RELN: variants seen among roughly 807,000 people sequenced by gnomAD.
The protein encoded by RELN is reelin.
A neutral mutation model predicts 427.6 loss-of-function variants in RELN; 108 were observed. The ratio of observed to expected loss-of-function variants is 0.25; its 90% CI spans 0.22 to 0.30. The LOEUF (loss-of-function observed/expected upper bound fraction) is 0.30, where lower values mean the gene tolerates loss of function less well. Among genes scored for constraint, RELN ranks in the 10% least tolerant of loss-of-function variants. The pLI is 1.00. For missense variants in RELN, 3,715 were observed against 4,302.8 expected (o/e 0.86, Z 3.82); for synonymous variants, 1,524 against 1,513.4 (o/e 1.01, Z -0.16).
intron 1 of RELN, among the ~76,000 whole-genome samples, chr7:103,928,563 C>T (rs138197083): frequency 4.2e-4 from 64 of 152,230 alleles, no homozygotes; most frequent in African/African-American, 1.4e-3. Context: ...GAATTTCCAA[C>T]GAAGGCTATC....
At chr7:103,763,510 G>A (rs1016299910) in intron 4 of RELN, among the ~76,000 whole-genome samples, 32 of 152,136 alleles carry the variant, frequency 2.1e-4, no homozygotes, top group African/African-American at 7.7e-4. Flanking sequence ...AATATAAGGT[G>A]GGAGAGTGAT....
chr7:103,806,806 A>T (rs908628422), intron 3 of RELN, among the ~76,000 whole-genome samples: 1 of 152,202 alleles, frequency 6.6e-6, no homozygotes, highest in Non-Finnish European at 1.5e-5. Flanking sequence ...CATTAGAGTC[A>T]GTATAATCCT....
chr7:103,928,170 C>A (rs1169261452), intron 1 of RELN, among the ~76,000 whole-genome samples: 2 of 152,166 alleles, frequency 1.3e-5, no homozygotes, highest in Non-Finnish European at 2.9e-5. Context: ...AAGTTCTAAA[C>A]AATTTCCAGT....
intron 8 of RELN, among the ~76,000 whole-genome samples, chr7:103,722,583 A>C (rs976388539): frequency 6.6e-6 from 1 of 152,204 alleles, no homozygotes; most frequent in Non-Finnish European, 1.5e-5. Flanking sequence ...ACCTGATCAG[A>C]AGGCACCTTA....
rs377482983 is a variant in RELN at position 103,817,686 on chromosome 7, C to A, written c.473+15851G>T. Among the ~76,000 whole-genome samples the A allele has an allele frequency of 3.6e-4, 55 of 152,110 alleles. No homozygotes were observed. The South Asian group carries it at 0.011, about 32-fold the overall frequency. On this transcript the variant is annotated intron_variant, in intron 3 of 64. Coordinates refer to ENST00000428762, the MANE Select transcript of RELN (RefSeq NM_005045.4). ...AGAAGAAAAGGTGCAGTGGCTCATG[C>A]CTGTAATCCCAGCACTTTGGGAGGC... is the stretch of plus-strand genomic sequence containing the variant.
chr7:103,845,303 G>T lies in RELN; in HGVS notation c.338-11631C>A, dbSNP rs1163682107. Among the ~76,000 whole-genome samples, 4 of 152,148 alleles carry T rather than the reference G, an allele frequency of 2.6e-5. No homozygotes were observed. The South Asian group carries it at 8.3e-4, about 32-fold the overall frequency. Reference sequence around the variant, plus strand: ...CTTCCTGGGTTCAAGTGATTCTCAGGCCTCAGTCACCTGAAATATAGGCAT... The same window carrying T: ...CTTCCTGGGTTCAAGTGATTCTCAGTCCTCAGTCACCTGAAATATAGGCAT... On this transcript the variant is annotated intron_variant, in intron 2 of 64. Coordinates refer to ENST00000428762, the MANE Select transcript of RELN (RefSeq NM_005045.4).
intron 2 of RELN, among the ~76,000 whole-genome samples, chr7:103,881,444 G>A (rs1274577774): frequency 6.6e-6 from 1 of 151,964 alleles, no homozygotes; most frequent in Admixed American, 6.6e-5. Context: ...ATCAGAGACA[G>A]AAAGAGCTTT....
chr7:103,498,820 AAGTTAGTT>A (rs35206303), intron 53 of RELN, among the ~76,000 whole-genome samples: 9,674 of 151,842 alleles, frequency 0.064, 649 homozygotes, highest in African/African-American at 0.18. Context: ...TATTTGTAAA[AAGTTAGTT>A]AGTTATTTAA....
chr7:103,483,516 GT>G, intron 62 of RELN, 136 bp downstream of exon 62: 1 of 887,132 alleles, frequency 1.1e-6, no homozygotes, highest in Non-Finnish European at 1.9e-6. Flanking sequence ...ATCTGGGTTA[GT>G]CTTCGTTCTG....
At chr7:103,543,770 C>T (rs185808417) in intron 42 of RELN, among the ~76,000 whole-genome samples, 263 of 152,206 alleles carry the variant, frequency 1.7e-3, no homozygotes, top group African/African-American at 6.0e-3. Flanking sequence ...ATACACATCA[C>T]ATAAGATTTA....
intron 1 of RELN, among the ~76,000 whole-genome samples, chr7:103,973,863 C>G (rs1372580346): frequency 1.3e-5 from 2 of 152,176 alleles, no homozygotes. Context: ...TAATACTCAG[C>G]CAGGTGTGGT....
At chr7:103,695,007 C>G (rs1562960131) in intron 10 of RELN, among the ~76,000 whole-genome samples, 1 of 152,030 alleles carries the variant, frequency 6.6e-6, no homozygotes, top group Admixed American at 6.6e-5. Context: ...AAAAATACAA[C>G]TCCAAAAACT....
At chr7:103,850,307 C>T (rs897283607) in intron 2 of RELN, among the ~76,000 whole-genome samples, 2 of 152,232 alleles carry the variant, frequency 1.3e-5, no homozygotes, top group Non-Finnish European at 2.9e-5. Context: ...AGACCCTCCT[C>T]TCCCTAACAT....
rs1403485737 is a variant in RELN at position 103,985,850 on chromosome 7, T to C, written c.226+3281A>G. Among the ~76,000 whole-genome samples, 4 of 152,256 alleles carry C rather than the reference T, an allele frequency of 2.6e-5. No homozygotes were observed. The East Asian group carries it at 7.7e-4, about 29-fold the overall frequency. On this transcript the variant is annotated intron_variant, in intron 1 of 64. Coordinates refer to ENST00000428762, the MANE Select transcript of RELN (RefSeq NM_005045.4). ...CACACTTTTCACAATACTGCCTTTGTCCCTAGGAGAAGGTGTGCTGATTAC... is the reference window on the plus strand; with the variant it reads ...CACACTTTTCACAATACTGCCTTTGCCCCTAGGAGAAGGTGTGCTGATTAC...
At chr7:103,591,566 C>G (rs1174179074) in intron 27 of RELN, among the ~76,000 whole-genome samples, 3 of 152,114 alleles carry the variant, frequency 2.0e-5, no homozygotes, top group Non-Finnish European at 4.4e-5. Flanking sequence ...AAACTTAACC[C>G]TCTCAGATGC....
At chr7:103,623,208 T>C (rs1266249602) in intron 20 of RELN, among the ~76,000 whole-genome samples, 2 of 152,210 alleles carry the variant, frequency 1.3e-5, no homozygotes, top group East Asian at 3.9e-4. Flanking sequence ...TCCTAGACAA[T>C]CATTTACTGT....
rs1830643352 is a variant in RELN at position 103,561,616 on chromosome 7, G to A, written c.5445C>T (p.Asp1815=). Residue 1815 remains aspartate, a synonymous_variant, in exon 36 of 65, where the codon GAC becomes GAT. Coordinates refer to ENST00000428762, the MANE Select transcript of RELN (RefSeq NM_005045.4). Reference sequence around the variant, plus strand: ...CTGCACCATACACTTCAGGCCAAAGGTCAGGATGTAAATTCCCATTGAAAT... The same window carrying A: ...CTGCACCATACACTTCAGGCCAAAGATCAGGATGTAAATTCCCATTGAAAT... The part of the protein sequence containing the change: ...KDDFNGNLHP[D]LWPEVYGAER... 6 of 1,613,832 alleles carry A rather than the reference G, an allele frequency of 3.7e-6. No individual in the cohort carries two copies. Among genetic ancestry groups the A allele is most frequent in the Non-Finnish European group, 5.1e-6 (6 of 1,179,798 alleles).
intron 6 of RELN, among the ~76,000 whole-genome samples, chr7:103,742,036 C>A (rs556241159): frequency 8.5e-5 from 13 of 152,070 alleles, no homozygotes; most frequent in Non-Finnish European, 1.6e-4. Flanking sequence ...GGACTGACAC[C>A]GCACACGGCC....
intron 1 of RELN, among the ~76,000 whole-genome samples, chr7:103,925,034 ACACACG>A: frequency 1.4e-5 from 2 of 145,432 alleles, no homozygotes; most frequent in South Asian, 2.2e-4. Context: ...ACACACACAC[ACACACG>A]CTCACTCAGA....
Sources: gnomAD v4.1 joint callset for allele counts (sites outside exome capture counted in the v4.1 genomes callset) on GRCh38, gnomAD v4.1.1 for gene constraint, MANE v1.5 for transcripts, NCBI Gene and HGNC (gene_info 2026-07-23, HGNC 2026-07-21) for gene names.